UBE3D: variants seen among roughly 807,000 people sequenced by gnomAD.
UBE3D encodes ubiquitin protein ligase E3D.
UBE3D carries 48 observed loss-of-function variants against 49.6 expected under a neutral mutation model. The observed-to-expected ratio is 0.97, with a 90% CI of 0.77 to 1.23. UBE3D has a LOEUF of 1.23. UBE3D is among the 50% of genes most tolerant of loss of function. UBE3D has a pLI of 0.00. For synonymous variants in UBE3D, 189 were observed against 174.2 expected, an observed-to-expected ratio of 1.08 and a Z score of -0.67; for missense variants, 452 against 468.4, an observed-to-expected ratio of 0.96 and a Z score of 0.32.
intron 9 of UBE3D, among the ~76,000 whole-genome samples, chr6:82,894,893 A>C (rs377519198): frequency 8.2e-4 from 125 of 152,344 alleles, no homozygotes; most frequent in African/African-American, 2.7e-3. Flanking sequence ...CTTATATTCA[A>C]ACATGAAGAC....
chr6:82,941,104 G>A (rs1023593841), intron 9 of UBE3D, among the ~76,000 whole-genome samples: 1 of 152,040 alleles, frequency 6.6e-6, no homozygotes, highest in Non-Finnish European at 1.5e-5. Flanking sequence ...TACTTAGGAG[G>A]CTGAGGCAGG....
chr6:82,960,426 C>T (rs1471382970), intron 8 of UBE3D, among the ~76,000 whole-genome samples: 1 of 151,998 alleles, frequency 6.6e-6, no homozygotes, highest in African/African-American at 2.4e-5. Flanking sequence ...TATTGTCTTA[C>T]ATATACAGTT....
chr6:82,932,959 A>G (rs1582388659), intron 9 of UBE3D, among the ~76,000 whole-genome samples: 1 of 152,182 alleles, frequency 6.6e-6, no homozygotes, highest in East Asian at 1.9e-4. Context: ...GTTGTCTGTT[A>G]TAAAGAATGT....
At chr6:82,891,928 G>T (rs1770988060), downstream of UBE3D, among the ~76,000 whole-genome samples, 1 of 152,156 alleles carries the variant, frequency 6.6e-6, no homozygotes, top group African/African-American at 2.4e-5. Context: ...TTGGGAGCCT[G>T]CGGCAGGCAA....
the UBE3D span, among the ~76,000 whole-genome samples, chr6:82,886,636 G>T: frequency 6.6e-6 from 1 of 152,204 alleles, no homozygotes; most frequent in Non-Finnish European, 1.5e-5. Context: ...GGAAAGATAC[G>T]TAGGAAATGT....
At chr6:83,000,063 T>C (rs539034963) in intron 8 of UBE3D, among the ~76,000 whole-genome samples, 8 of 152,312 alleles carry the variant, frequency 5.3e-5, no homozygotes, top group African/African-American at 1.4e-4. Context: ...ACCACTCCTC[T>C]ATCTCCTTTC....
intron 9 of UBE3D, among the ~76,000 whole-genome samples, chr6:82,922,426 C>T (rs1467462099): frequency 6.6e-6 from 1 of 152,038 alleles, no homozygotes; most frequent in African/African-American, 2.4e-5. Flanking sequence ...TATTAAAAAC[C>T]CACAGACAGT....
intron 8 of UBE3D, among the ~76,000 whole-genome samples, chr6:83,015,960 G>A (rs529384804): frequency 1.3e-5 from 2 of 152,218 alleles, no homozygotes; most frequent in Admixed American, 6.5e-5. Context: ...GCTTCATCAG[G>A]GTCCTCCCAC....
chr6:82,968,295 C>G (rs1447935193), intron 8 of UBE3D, among the ~76,000 whole-genome samples: 1 of 151,290 alleles, frequency 6.6e-6, no homozygotes, highest in Non-Finnish European at 1.5e-5. Flanking sequence ...CCCTTTTAAC[C>G]TCCCTCACCT....
rs778222970 is a variant in UBE3D at position 82,957,430 on chromosome 6, C to G, written c.1031G>C (p.Ser344Thr). 33 of 1,613,996 alleles carry G rather than the reference C, an allele frequency of 2.0e-5. No individual in the cohort carries two copies. The highest frequency in any genetic ancestry group is 2.8e-5 in the Non-Finnish European group (33 of 1,179,952). The change falls in exon 9 of 10, where the codon AGT (serine) becomes ACT (threonine). Residue 344 changes from serine (S) to threonine (T), a missense_variant. Transcript: ENST00000369747. ...GGTTAGCGGGTGGACGCTGATGTCA[C>G]TTTCCCACAAGCTGACAAGTCTGGA... ...RNEKLVSLWESDISVHPLTLP... is the reference protein window; with the variant it reads ...RNEKLVSLWETDISVHPLTLP...
chr6:82,903,580 C>G (rs1771888734), intron 9 of UBE3D, among the ~76,000 whole-genome samples: 1 of 151,978 alleles, frequency 6.6e-6, no homozygotes, highest in Non-Finnish European at 1.5e-5. Context: ...TAAGTTCTGG[C>G]AAGAAAGGAA....
chr6:82,917,729 CAGACAA>C (rs1035010650), intron 9 of UBE3D, among the ~76,000 whole-genome samples: 3 of 152,140 alleles, frequency 2.0e-5, no homozygotes, highest in Non-Finnish European at 4.4e-5. Flanking sequence ...AGTGGGAAAC[CAGACAA>C]AGACAAAGGC....
At chr6:82,926,888 T>C (rs1773790889) in intron 9 of UBE3D, among the ~76,000 whole-genome samples, 1 of 152,120 alleles carries the variant, frequency 6.6e-6, no homozygotes, top group African/African-American at 2.4e-5. Flanking sequence ...CTTTCTTTCA[T>C]GGGGTATGCC....
intron 4 of UBE3D, among the ~76,000 whole-genome samples, chr6:83,042,056 CCCG>C (rs1314906502): frequency 1.3e-5 from 2 of 152,028 alleles, no homozygotes; most frequent in Non-Finnish European, 2.9e-5. Flanking sequence ...ACTACAGGCC[CCCG>C]CCACCACACC....
At chr6:82,897,619 TA>T (rs1421518246) in intron 9 of UBE3D, among the ~76,000 whole-genome samples, 2 of 152,018 alleles carry the variant, frequency 1.3e-5, no homozygotes, top group Non-Finnish European at 2.9e-5. Context: ...ATTAATTAAT[TA>T]AAACAAAATC....
At chr6:82,925,789 A>C (rs1773704078) in intron 9 of UBE3D, among the ~76,000 whole-genome samples, 1 of 152,132 alleles carries the variant, frequency 6.6e-6, no homozygotes. Flanking sequence ...TCAGCCTCTA[A>C]AATATGAGGA....
At chr6:82,884,277 T>A in the UBE3D span, among the ~76,000 whole-genome samples, 1 of 152,142 alleles carries the variant, frequency 6.6e-6, no homozygotes. Flanking sequence ...ACTGTTTCAC[T>A]CTTTTGCTCC....
chr6:82,935,527 T>C (rs1448493587), intron 9 of UBE3D, among the ~76,000 whole-genome samples: 1 of 152,136 alleles, frequency 6.6e-6, no homozygotes, highest in Non-Finnish European at 1.5e-5. Flanking sequence ...AGCTGATCAT[T>C]TTATAGAACT....
chr6:82,955,040 G>T (rs1472963813), intron 9 of UBE3D, among the ~76,000 whole-genome samples: 1 of 152,266 alleles, frequency 6.6e-6, no homozygotes, highest in African/African-American at 2.4e-5. Flanking sequence ...ATAGAAAAGG[G>T]CATTGAGTAA....
Sources: gnomAD v4.1 joint callset for allele counts (sites outside exome capture counted in the v4.1 genomes callset) on GRCh38, gnomAD v4.1.1 for gene constraint, MANE v1.5 for transcripts, NCBI Gene and HGNC (gene_info 2026-07-23, HGNC 2026-07-21) for gene names.